The following TEK variants were observed in gnomAD, a reference collection of about 807,000 sequenced individuals.
TEK encodes the protein angiopoietin-1 receptor.
Under a neutral mutation model 131.8 loss-of-function variants are expected in TEK, and 43 were observed. That is an observed-to-expected ratio of 0.33 (90% confidence interval 0.26 to 0.42). The LOEUF (loss-of-function observed/expected upper bound fraction) is 0.42, where lower values mean the gene tolerates loss of function less well. Ranked by LOEUF, TEK falls within the 10% of genes least tolerant of loss-of-function variation. The pLI is 1.00. For synonymous variants in TEK, 580 were observed against 491.6 expected (o/e 1.18, Z -2.38); for missense variants, 1,162 against 1,384.4 (o/e 0.84, Z 2.55).
chr9:27,144,591 A>T (rs188462697), intron 1 of TEK, among the ~76,000 whole-genome samples: 1 of 152,308 alleles, frequency 6.6e-6, no homozygotes, highest in Non-Finnish European at 1.5e-5. Flanking sequence ...TGTCGTTTGG[A>T]AGCACACAGG....
intron 9 of TEK, among the ~76,000 whole-genome samples, chr9:27,188,319 C>A (rs911128413): frequency 2.6e-5 from 4 of 152,150 alleles, no homozygotes; most frequent in African/African-American, 7.2e-5. Context: ...GAGCTAAATA[C>A]ACTTAAGATA....
At chr9:27,165,488 T>C (rs2131135407) in intron 2 of TEK, among the ~76,000 whole-genome samples, 1 of 152,252 alleles carries the variant, frequency 6.6e-6, no homozygotes, top group East Asian at 1.9e-4. Context: ...TATGGCTGGC[T>C]CATTTTAGTG....
intron 1 of TEK, among the ~76,000 whole-genome samples, chr9:27,139,719 T>A (rs1822650130): frequency 6.6e-6 from 1 of 152,052 alleles, no homozygotes; most frequent in South Asian, 2.1e-4. Flanking sequence ...TGGGATTGTT[T>A]TGTTGTGGTT....
At chr9:27,213,164 C>T (rs558309300) in intron 17 of TEK, among the ~76,000 whole-genome samples, 35 of 152,232 alleles carry the variant, frequency 2.3e-4, no homozygotes, top group African/African-American at 6.0e-4. Context: ...TTTCCTAATA[C>T]GTAGCGAGGT....
chr9:27,127,056 C>A (rs1822015006), intron 1 of TEK, among the ~76,000 whole-genome samples: 1 of 152,124 alleles, frequency 6.6e-6, no homozygotes, highest in African/African-American at 2.4e-5. Context: ...TATACATGTA[C>A]CATGGTGGTT....
chr9:27,174,965 T>C (rs778751201), intron 6 of TEK, among the ~76,000 whole-genome samples: 2 of 46,008 alleles, frequency 4.3e-5, no homozygotes, highest in African/African-American at 1.7e-4. Context: ...GGTTTTTTTG[T>C]TTTTTTTTTA....
At chr9:27,218,526 C>G (rs1268332194) in intron 19 of TEK, among the ~76,000 whole-genome samples, 7 of 152,084 alleles carry the variant, frequency 4.6e-5, no homozygotes, top group Non-Finnish European at 1.0e-4. Context: ...CTGTTTTGGA[C>G]AGTACCACCT....
intron 1 of TEK, among the ~76,000 whole-genome samples, chr9:27,148,473 T>C (rs1393697829): frequency 1.3e-5 from 2 of 152,242 alleles, no homozygotes; most frequent in Admixed American, 6.5e-5. Flanking sequence ...TGGATTGGTC[T>C]CTCATCCTCT....
chr9:27,197,497 A>G lies in TEK; in HGVS notation c.1807A>G (p.Asn603Asp). 6.2e-7 allele frequency: 1 copy of G among 1,614,114 alleles called. No homozygotes were observed. The highest frequency in any genetic ancestry group is 8.5e-7 in the Non-Finnish European group (1 of 1,180,002). ...AGGCAACTTGACTTCGGTGCTACTTAACAACTTACATCCCAGGGAGCAGTA... is the reference window on the plus strand; with the variant it reads ...AGGCAACTTGACTTCGGTGCTACTTGACAACTTACATCCCAGGGAGCAGTA... ...VPGNLTSVLL[N>D]NLHPREQYVV... Residue 603 changes from asparagine to aspartate, a missense_variant, in exon 12 of 23, where the codon AAC becomes GAC. Transcript: ENST00000380036.
chr9:27,220,003 C>G, intron 20 of TEK, 46 bp from the exon 21 acceptor site: 1 of 1,592,722 alleles, frequency 6.3e-7, no homozygotes, highest in Non-Finnish European at 8.6e-7. Context: ...GGAAGCATTG[C>G]TTTTCATGCC....
At chr9:27,157,695 A>C (rs1435950408) in intron 1 of TEK, 136 bp from the exon 2 acceptor site, 2 of 1,059,252 alleles carry the variant, frequency 1.9e-6, no homozygotes, top group African/African-American at 3.1e-5. Flanking sequence ...CCAGTGGAAG[A>C]TAGGCACATG....
intron 1 of TEK, among the ~76,000 whole-genome samples, chr9:27,157,427 A>G (rs1823375732): frequency 1.3e-5 from 2 of 152,234 alleles, no homozygotes; most frequent in South Asian, 4.1e-4. Flanking sequence ...ATTTCTTTAG[A>G]ATACTTTATT....
intron 14 of TEK, 98 bp from the exon 15 acceptor site, chr9:27,206,484 T>A: frequency 7.8e-7 from 1 of 1,282,174 alleles, no homozygotes; most frequent in Non-Finnish European, 1.1e-6. Context: ...ATACAGTATT[T>A]CTTTTTTCAT....
intron 1 of TEK, among the ~76,000 whole-genome samples, chr9:27,137,491 C>A (rs73643145): frequency 0.11 from 16,002 of 152,068 alleles, 998 homozygotes; most frequent in African/African-American, 0.17. Flanking sequence ...AAACAAAGTT[C>A]TTATATTACA....
At chr9:27,120,603 C>T (rs1165875416) in intron 1 of TEK, among the ~76,000 whole-genome samples, 3 of 152,218 alleles carry the variant, frequency 2.0e-5, no homozygotes, top group Non-Finnish European at 4.4e-5. Context: ...TCTGAGGAGC[C>T]TTATGAAATG....
chr9:27,131,835 C>CTA (rs913190360), intron 1 of TEK, among the ~76,000 whole-genome samples: 3 of 151,642 alleles, frequency 2.0e-5, no homozygotes, highest in African/African-American at 7.3e-5. Flanking sequence ...TTTGATAAAG[C>CTA]TATATATGTT....
At chr9:27,124,670 C>T (rs1451767468) in intron 1 of TEK, among the ~76,000 whole-genome samples, 3 of 152,238 alleles carry the variant, frequency 2.0e-5, no homozygotes, top group Non-Finnish European at 4.4e-5. Context: ...CACTGTGGTG[C>T]AACTCACTCG....
chr9:27,218,804 G>A lies in TEK; in HGVS notation c.3090G>A (p.Glu1030=), dbSNP rs56133834. The A allele has an allele frequency of 1.6e-3, 2,559 of 1,614,018 alleles. 9 individuals carry two copies. The highest frequency in any genetic ancestry group is 1.8e-3 in the Non-Finnish European group (2,125 of 1,179,946). Residue 1030 remains glutamate (E), a synonymous_variant, in exon 20 of 23, where the codon GAG becomes GAA. Coordinates refer to ENST00000380036, the MANE Select transcript of TEK (RefSeq NM_000459.5). ...DVWSYGVLLW[E]IVSLGGTPYC... ...GGTCCTATGGTGTGTTACTATGGGA[G>A]ATTGTTAGCTTAGGTGAGTATCTAT...
chr9:27,223,512 T>C (rs1000283134), intron 21 of TEK, among the ~76,000 whole-genome samples: 4 of 152,198 alleles, frequency 2.6e-5, no homozygotes, highest in Admixed American at 2.6e-4. Flanking sequence ...TGCTCCTGAA[T>C]GACTACTGGG....
Sources: gnomAD v4.1 joint callset for allele counts (sites outside exome capture counted in the v4.1 genomes callset) on GRCh38, gnomAD v4.1.1 for gene constraint, MANE v1.5 for transcripts, NCBI Gene and HGNC (gene_info 2026-07-23, HGNC 2026-07-21) for gene names.